The following PABPC1L variants were observed in gnomAD, a reference collection of about 807,000 sequenced individuals.
The protein encoded by PABPC1L is polyadenylate-binding protein 1-like.
PABPC1L carries 31 observed loss-of-function variants against 66.6 expected under a neutral mutation model. The ratio of observed to expected loss-of-function variants is 0.47; its 90% confidence interval spans 0.35 to 0.63. PABPC1L has a LOEUF of 0.63. Ranked by LOEUF, PABPC1L falls within the 20% of genes least tolerant of loss-of-function variation. The pLI is 0.00. For synonymous variants in PABPC1L, 348 were observed against 335.1 expected (o/e 1.04, Z -0.42); for missense variants, 722 against 848.8 (o/e 0.85, Z 1.86).
intron 7 of PABPC1L, among the ~76,000 whole-genome samples, chr20:44,928,727 G>A (rs2066827679): frequency 6.6e-6 from 1 of 151,870 alleles, no homozygotes; most frequent in Non-Finnish European, 1.5e-5. Flanking sequence ...AATTAGGCAT[G>A]GTGGTGCTTG....
chr20:44,912,633 A>G (rs1386024080), intron 1 of PABPC1L, 27 bp from the exon 2 acceptor site: 15 of 1,571,306 alleles, frequency 9.5e-6, no homozygotes, highest in Non-Finnish European at 1.2e-5. Context: ...TAAACTTGCT[A>G]ATTTCTCTCC....
In PABPC1L at chr20:44,924,265, T is replaced by G; in HGVS notation, c.972+9T>G. 6.3e-7 allele frequency: 1 copy of G among 1,597,650 alleles called. No individual in the cohort carries two copies. Among genetic ancestry groups the G allele is most frequent in the South Asian group, 1.1e-5 (1 of 90,726 alleles). ...TAATTACCAGTGCGAAGGTGAGGAC[T>G]GGGGGCACCTCCGGGGGACAGCGTT... On this transcript the variant is annotated intron_variant, in intron 7 of 14. Coordinates refer to ENST00000217073, the MANE Select transcript of PABPC1L (RefSeq NM_001372179.1).
intron 1 of PABPC1L, among the ~76,000 whole-genome samples, chr20:44,911,986 GCT>G (rs1181731248): frequency 3.3e-5 from 5 of 152,224 alleles, no homozygotes; most frequent in African/African-American, 1.2e-4. Flanking sequence ...GGCATCGGCT[GCT>G]GTTTTGAGAC....
intron 6 of PABPC1L, among the ~76,000 whole-genome samples, chr20:44,923,645 TA>T (rs898280039): frequency 5.5e-4 from 82 of 149,360 alleles, no homozygotes; most frequent in African/African-American, 1.9e-3. Context: ...AAAAAAGTCT[TA>T]AAAAAAAAAT....
chr20:44,916,496 A>T (rs942203902), intron 2 of PABPC1L, among the ~76,000 whole-genome samples: 1 of 151,976 alleles, frequency 6.6e-6, no homozygotes, highest in South Asian at 2.1e-4. Context: ...CTGGTCTCGA[A>T]CTCCTGACCT....
chr20:44,921,602 C>G lies in PABPC1L; in HGVS notation c.747C>G (p.Val249=). 2 of 1,613,982 alleles carry G rather than the reference C, an allele frequency of 1.2e-6. No individual in the cohort carries two copies. The highest frequency in any genetic ancestry group is 2.2e-5 in the South Asian group (2 of 91,076). Reference sequence around the variant, plus strand: ...CCTCCTCCTTTCCCCAGGCCGTGGTCCATATGAACGGGAAGGAGGTGAGCG... The same window carrying G: ...CCTCCTCCTTTCCCCAGGCCGTGGTGCATATGAACGGGAAGGAGGTGAGCG... ...EKHEEAQKAV[V]HMNGKEVSGR... Residue 249 remains valine (V), a synonymous_variant, in exon 6 of 15, where the codon GTC becomes GTG. Transcript: ENST00000217073.
intron 2 of PABPC1L, among the ~76,000 whole-genome samples, chr20:44,913,882 A>G (rs1261849582): frequency 2.6e-5 from 4 of 152,238 alleles, no homozygotes; most frequent in Non-Finnish European, 1.5e-5. Context: ...TGTAAGTTCC[A>G]TCAGTGATCT....
At chr20:44,936,853 C>A (rs1267664988) in intron 12 of PABPC1L, 123 bp downstream of exon 12, 2 of 1,018,434 alleles carry the variant, frequency 2.0e-6, no homozygotes, top group Non-Finnish European at 3.0e-6. Context: ...TCACCGACCC[C>A]CCTACTGGGT....
In PABPC1L at chr20:44,910,248, C is replaced by A. The variant is rs574899677; in HGVS notation, c.105C>A (p.Gly35=). 75 of 1,566,306 alleles carry A rather than the reference C, an allele frequency of 4.8e-5. 1 individual carries two copies. In the South Asian group the frequency reaches 6.2e-4, roughly 13 times the overall value. ...AMLYEKFSPA[G]PILSIRVCRD... ...TCTATGAGAAGTTCTCTCCCGCCGG[C>A]CCCATCCTGTCCATCCGCGTGTGCC... Residue 35 remains glycine, a synonymous_variant, in exon 1 of 15, where the codon GGC becomes GGA. Transcript: ENST00000217073.
chr20:44,920,078 G>A (rs1011999384), intron 5 of PABPC1L, among the ~76,000 whole-genome samples: 2 of 152,132 alleles, frequency 1.3e-5, no homozygotes, highest in Admixed American at 6.5e-5. Context: ...CCCAACACAT[G>A]AACAGCCTCT....
chr20:44,930,849 A>T, intron 8 of PABPC1L, 123 bp downstream of exon 8: 1 of 1,336,040 alleles, frequency 7.5e-7, no homozygotes, highest in Non-Finnish European at 1.0e-6. Flanking sequence ...ACTCATTAGG[A>T]AGTCTTTGTT....
intron 10 of PABPC1L, among the ~76,000 whole-genome samples, chr20:44,934,929 G>A (rs566062259): frequency 7.2e-5 from 11 of 152,220 alleles, no homozygotes; most frequent in African/African-American, 2.6e-4. Flanking sequence ...TTAGCCGGAC[G>A]TGGTGGCATG....
intron 6 of PABPC1L, among the ~76,000 whole-genome samples, chr20:44,923,144 C>T (rs1201562110): frequency 6.6e-6 from 1 of 152,192 alleles, no homozygotes; most frequent in Non-Finnish European, 1.5e-5. Flanking sequence ...AGTCAAGGTG[C>T]TAGAGGCAGC....
chr20:44,927,299 A>G (rs1338992599), intron 7 of PABPC1L, among the ~76,000 whole-genome samples: 1 of 152,094 alleles, frequency 6.6e-6, no homozygotes, highest in Non-Finnish European at 1.5e-5. Context: ...GCTTTGCTAA[A>G]TTTTATCATT....
At chr20:44,918,198 T>TA (rs754077041) in intron 3 of PABPC1L, among the ~76,000 whole-genome samples, 49 of 152,102 alleles carry the variant, frequency 3.2e-4, no homozygotes, top group Middle Eastern at 3.2e-3. Context: ...TGGTGGCACA[T>TA]ACCTGTAATC....
In PABPC1L at chr20:44,910,084, C is replaced by T. The variant is rs1291769229; in HGVS notation, c.-60C>T. On this transcript the variant is annotated 5_prime_UTR_variant, in exon 1 of 15. Coordinates refer to ENST00000217073, the MANE Select transcript of PABPC1L (RefSeq NM_001372179.1). ...GAAGGAGGGCTTCCGCCCGGGTGAGCGCGGGGCTGCTGGGTGACCCGGCTC... is the reference window on the plus strand; with the variant it reads ...GAAGGAGGGCTTCCGCCCGGGTGAGTGCGGGGCTGCTGGGTGACCCGGCTC... 3 of 1,430,182 alleles carry T rather than the reference C, an allele frequency of 2.1e-6. No individual in the cohort carries two copies. Among genetic ancestry groups the T allele is most frequent in the South Asian group, 1.3e-5 (1 of 77,234 alleles). 88.6% of individuals were successfully genotyped at this position (1,430,182 alleles called of 1,614,324 possible).
intron 13 of PABPC1L, 77 bp downstream of exon 13, chr20:44,938,268 C>T: frequency 6.5e-7 from 1 of 1,528,158 alleles, no homozygotes; most frequent in Admixed American, 2.2e-5. Context: ...CTAGTGGAGC[C>T]AGTGGATAGC....
intron 7 of PABPC1L, among the ~76,000 whole-genome samples, chr20:44,927,929 T>C (rs954483221): frequency 2.0e-5 from 3 of 151,978 alleles, no homozygotes; most frequent in African/African-American, 7.3e-5. Flanking sequence ...TTCCCAAAAA[T>C]AGGCATGAGC....
chr20:44,930,545 T>A lies in PABPC1L; in HGVS notation c.1058T>A (p.Met353Lys), dbSNP rs2066843963. 6.2e-7 allele frequency: 1 copy of A among 1,614,132 alleles called. No individual in the cohort carries two copies. Among genetic ancestry groups the A allele is most frequent in the Non-Finnish European group, 8.5e-7 (1 of 1,180,044 alleles). Residue 353 changes from methionine (M) to lysine (K), a missense_variant, in exon 8 of 15, where the codon ATG becomes AAG. Physicochemically the swap from Met to Lys is moderately conservative, Grantham distance 95. Transcript: ENST00000217073. ...GAGGCGACAAAGGCCGTGACAGAGA[T>A]GAACGGGCGCATCGTGGGCACCAAG... Reference protein sequence around the residue: ...PEEATKAVTEMNGRIVGTKPL... With the variant: ...PEEATKAVTEKNGRIVGTKPL...
Sources: allele counts gnomAD v4.1 joint callset (sites outside exome capture counted in the v4.1 genomes callset), GRCh38; gene constraint gnomAD v4.1.1; transcripts MANE v1.5; gene names NCBI Gene and HGNC (gene_info 2026-07-23, HGNC 2026-07-21).